Variants in RIMBP2 observed in about 807,000 individuals in gnomAD.
The protein encoded by RIMBP2 is RIMS binding protein 2, also known as RIMS-binding protein 2.
Under a neutral mutation model 118.6 loss-of-function variants are expected in RIMBP2, and 48 were observed. The observed-to-expected ratio is 0.40, with a 90% confidence interval of 0.32 to 0.51. RIMBP2 has a LOEUF of 0.51. Among genes scored for constraint, RIMBP2 ranks in the 20% least tolerant of loss-of-function variants. RIMBP2 has a pLI of 0.41. For synonymous variants in RIMBP2, 762 were observed against 742.9 expected (o/e 1.03, Z -0.42); for missense variants, 1,551 against 1,768.3 (o/e 0.88, Z 2.20).
intron 2 of RIMBP2, among the ~76,000 whole-genome samples, chr12:130,619,701 G>A (rs1051446455): frequency 6.6e-6 from 1 of 152,198 alleles, no homozygotes; most frequent in African/African-American, 2.4e-5. Context: ...CCAGGTTAAA[G>A]AGTAAGCTCT....
At position 130,703,442 on chromosome 12, in the gene RIMBP2, T is replaced by C. The variant is rs966826139; in HGVS notation, c.-352+12780A>G. ...GTGCTGTATTCTCAAACGATCACTG[T>C]TTTTTAAAAGCGTGGCACGGGCACT... On this transcript the variant is annotated intron_variant, in intron 1 of 22. Coordinates refer to ENST00000690449, the MANE Select transcript of RIMBP2 (RefSeq NM_001393629.1). The surrounding 1 kb of genome is among the most constrained non-coding windows in gnomAD (Gnocchi z 5.7). Among the ~76,000 whole-genome samples the C allele has an allele frequency of 2.0e-5, 3 of 152,202 alleles. No individual in the cohort carries two copies. Among genetic ancestry groups the C allele is most frequent in the East Asian group, 3.9e-4 (2 of 5,190 alleles).
chr12:130,667,069 GAGGGAGGAAAAAA>G lies in RIMBP2; in HGVS notation c.-351-38626_-351-38614del, dbSNP rs1566441173. ...GGAGGGAGGGAGAAAAGGAAGAAGG[GAGGGAGGAAAAAA>G]TGAGGGAGGGAGGATGGGAGAAAAA... On this transcript the variant is annotated intron_variant, in intron 1 of 22. Transcript: ENST00000690449. 1.0e-3 allele frequency among the ~76,000 whole-genome samples: 110 copies of G among 108,372 alleles called. 1 individual carries two copies. The highest frequency in any genetic ancestry group is 0.011 in the Middle Eastern group (2 of 180). 71.1% of individuals were successfully genotyped at this position (108,372 alleles called of 152,430 possible). A position where few individuals can be genotyped will look rare whatever the true frequency, so the allele number is the denominator to read the frequency against.
chr12:130,635,304 T>C (rs2140995312), intron 1 of RIMBP2, among the ~76,000 whole-genome samples: 1 of 152,304 alleles, frequency 6.6e-6, no homozygotes, highest in Admixed American at 6.5e-5. Context: ...GGGACCCTGC[T>C]TATCGTATTC....
intron 3 of RIMBP2, among the ~76,000 whole-genome samples, chr12:130,510,960 T>C (rs1054786581): frequency 6.6e-6 from 1 of 152,054 alleles, no homozygotes; most frequent in South Asian, 2.1e-4. Context: ...ATTTCCTGGA[T>C]GTATAATGGC....
intron 1 of RIMBP2, among the ~76,000 whole-genome samples, chr12:130,689,291 AGTGTGG>A (rs1249570955): frequency 6.6e-6 from 1 of 151,904 alleles, no homozygotes; most frequent in Admixed American, 6.6e-5. Context: ...AAATTAGCTG[AGTGTGG>A]TGGTGCGTGC....
rs374813161 is a variant in RIMBP2 at position 130,436,317 on chromosome 12, G to A, written c.2106+525C>T. On this transcript the variant is annotated intron_variant, in intron 13 of 22. Transcript: ENST00000690449. ...TATGTATGCAGGGGTCTATATGTCC[G>A]TATGCGTTTCTACACATAGGTACAG... Among the ~76,000 whole-genome samples, 8 of 152,276 alleles carry A rather than the reference G, an allele frequency of 5.3e-5. No individual in the cohort carries two copies. The East Asian group carries it at 1.2e-3, about 22-fold the overall frequency.
chr12:130,634,295 G>A (rs2062201482), intron 1 of RIMBP2, among the ~76,000 whole-genome samples: 1 of 152,198 alleles, frequency 6.6e-6, no homozygotes, highest in Non-Finnish European at 1.5e-5. Flanking sequence ...AAATAGAGGA[G>A]ACAGAAGTGT....
At position 130,621,100 on chromosome 12, in the gene RIMBP2, T is replaced by C. The variant is rs1366304875; in HGVS notation, c.-217+7222A>G. Among the ~76,000 whole-genome samples the C allele has an allele frequency of 6.6e-6, 1 of 152,140 alleles. No homozygotes were observed. Among genetic ancestry groups the C allele is most frequent in the Non-Finnish European group, 1.5e-5 (1 of 68,026 alleles). On this transcript the variant is annotated intron_variant, in intron 2 of 22. Coordinates refer to ENST00000690449, the MANE Select transcript of RIMBP2 (RefSeq NM_001393629.1). The surrounding 1 kb of genome is among the most constrained non-coding windows in gnomAD (Gnocchi z 6.6). The stretch of plus-strand genomic sequence containing the variant: ...CCTTAGTGAGGGTGGGTTCATTTTT[T>C]TACCAGCACCCTGGGAGCTGGTCAT...
At chr12:130,691,826 T>G (rs796359301) in intron 1 of RIMBP2, among the ~76,000 whole-genome samples, 2 of 152,200 alleles carry the variant, frequency 1.3e-5, no homozygotes, top group African/African-American at 4.8e-5. Context: ...AATCTTCAAG[T>G]AGAAATTAGC....
At chr12:130,649,570 G>A (rs898418940) in intron 1 of RIMBP2, among the ~76,000 whole-genome samples, 2 of 152,170 alleles carry the variant, frequency 1.3e-5, no homozygotes, top group African/African-American at 2.4e-5. Context: ...GGAAAAATCC[G>A]GGGTGAACGG....
chr12:130,586,035 A>G (rs2058860062), intron 2 of RIMBP2, among the ~76,000 whole-genome samples: 1 of 152,254 alleles, frequency 6.6e-6, no homozygotes, highest in Non-Finnish European at 1.5e-5. Flanking sequence ...GCTTAAAAGT[A>G]TTTCAAAAGT....
At chr12:130,610,454 GATAA>G (rs1241475424) in intron 2 of RIMBP2, among the ~76,000 whole-genome samples, 1 of 149,506 alleles carries the variant, frequency 6.7e-6, no homozygotes, top group Non-Finnish European at 1.5e-5. Context: ...TTATCTCTTT[GATAA>G]ATAAAAACAA....
Position 130,404,559 on chromosome 12 carries a change from G to A in RIMBP2, c.3765+1613C>T, listed in dbSNP as rs965439034. ...AGGTGATCAGCACGCCTCAGCCTCC[G>A]CATGAGTCACCGTGCCCGGCCGTTG... On this transcript the variant is annotated intron_variant, in intron 21 of 22. Coordinates refer to ENST00000690449, the MANE Select transcript of RIMBP2 (RefSeq NM_001393629.1). Among the ~76,000 whole-genome samples, 9 of 152,248 alleles carry A rather than the reference G, an allele frequency of 5.9e-5. 1 individual carries two copies. Among genetic ancestry groups the A allele is most frequent in the African/African-American group, 2.2e-4 (9 of 41,552 alleles).
chr12:130,661,826 G>C (rs1310541372), intron 1 of RIMBP2, among the ~76,000 whole-genome samples: 1 of 152,194 alleles, frequency 6.6e-6, no homozygotes, highest in East Asian at 1.9e-4. Context: ...CGCACCTGCA[G>C]AGTAGCCCCT....
At chr12:130,612,730 C>T (rs1387884027) in intron 2 of RIMBP2, among the ~76,000 whole-genome samples, 1 of 152,206 alleles carries the variant, frequency 6.6e-6, no homozygotes, top group Admixed American at 6.5e-5. Flanking sequence ...TCCCCAGTAA[C>T]CAAACCGTGT....
At chr12:130,614,244 C>T (rs1289352295) in intron 2 of RIMBP2, among the ~76,000 whole-genome samples, 1 of 152,154 alleles carries the variant, frequency 6.6e-6, no homozygotes, top group South Asian at 2.1e-4. Flanking sequence ...TACTTACGGC[C>T]AAGGACTAAC....
At chr12:130,528,665 T>C (rs537962330) in intron 2 of RIMBP2, among the ~76,000 whole-genome samples, 1 of 152,352 alleles carries the variant, frequency 6.6e-6, no homozygotes, top group African/African-American at 2.4e-5. Context: ...CTGCAATGCA[T>C]ACTCTGACTT....
intron 21 of RIMBP2, 48 bp from the exon 22 acceptor site, chr12:130,399,861 CCCACATCTTGCTTTGGCT>C (rs1304139659): frequency 6.2e-7 from 1 of 1,604,192 alleles, no homozygotes; most frequent in African/African-American, 1.3e-5. Flanking sequence ...TTTCTAGAAA[CCCACATCTTGCTTTGGCT>C]AAAGGAATAC....
intron 2 of RIMBP2, among the ~76,000 whole-genome samples, chr12:130,535,694 CATATATAT>C (rs1211320863): frequency 2.1e-5 from 3 of 139,752 alleles, no homozygotes; most frequent in Non-Finnish European, 4.6e-5. Context: ...TACACATATA[CATATATAT>C]ACACATATAC....
Sources: gnomAD v4.1 joint callset for allele counts (sites outside exome capture counted in the v4.1 genomes callset) on GRCh38, gnomAD v4.1.1 for gene constraint, Gnocchi (gnomAD v3.1) non-coding constraint, MANE v1.5 for transcripts, NCBI Gene and HGNC (gene_info 2026-07-23, HGNC 2026-07-21) for gene names.